TMEM229B: variants seen among roughly 807,000 people sequenced by gnomAD.
The protein encoded by TMEM229B is chromosome 14 open reading frame 83.
Under a neutral mutation model 13.7 loss-of-function variants are expected in TMEM229B, and 6 were observed. The observed-to-expected ratio is 0.44, with a 90% CI of 0.24 to 0.86. TMEM229B has a LOEUF of 0.86. Among genes scored for constraint, TMEM229B ranks in the 40% least tolerant of loss-of-function variants. The probability of loss-of-function intolerance (pLI) is 0.23; values close to 1 mark genes in which losing one functional copy is unlikely to be tolerated. For synonymous variants in TMEM229B, 107 were observed against 102.1 expected, an observed-to-expected ratio of 1.05 and a Z score of -0.29; for missense variants, 170 against 236.0, an observed-to-expected ratio of 0.72 and a Z score of 1.83.
chr14:67,497,979 G>A (rs973007812), intron 1 of TMEM229B, among the ~76,000 whole-genome samples: 1 of 151,966 alleles, frequency 6.6e-6, no homozygotes, highest in Admixed American at 6.6e-5. Context: ...AATACCTCAA[G>A]GTCTCTCTGA....
At chr14:67,492,527 T>C (rs1052467514), upstream of TMEM229B, among the ~76,000 whole-genome samples, 6 of 152,182 alleles carry the variant, frequency 3.9e-5, no homozygotes, top group African/African-American at 9.7e-5. Flanking sequence ...CCCATGTCCT[T>C]AGGGTGTCCT....
exon 1 of TMEM229B, chr14:67,515,342 C>CTA (rs2033171134): frequency 1.9e-5 from 3 of 160,962 alleles, no homozygotes; most frequent in African/African-American, 7.2e-5. Context: ...TGTGTGTCGG[C>CTA]GTCCGCCGCG....
upstream of TMEM229B, among the ~76,000 whole-genome samples, chr14:67,520,177 T>C (rs557775596): frequency 2.8e-4 from 42 of 152,356 alleles, no homozygotes; most frequent in African/African-American, 9.4e-4. Context: ...ATGAAGCTGC[T>C]TTGACATATC....
At chr14:67,521,233 A>C (rs117204857) in intron 1 of TMEM229B, among the ~76,000 whole-genome samples, 8,945 of 152,356 alleles carry the variant, frequency 0.059, 359 homozygotes, top group South Asian at 0.15. Flanking sequence ...AGGTAACTTC[A>C]TAAATTACAT....
At chr14:67,527,667 C>T (rs2033388427) in intron 1 of TMEM229B, among the ~76,000 whole-genome samples, 1 of 152,230 alleles carries the variant, frequency 6.6e-6, no homozygotes, top group South Asian at 2.1e-4. Context: ...TTTTGTACCG[C>T]AGCAGCCCCT....
intron 2 of TMEM229B, among the ~76,000 whole-genome samples, chr14:67,477,104 T>G (rs1348375880): frequency 6.6e-6 from 1 of 151,480 alleles, no homozygotes; most frequent in Non-Finnish European, 1.5e-5. Context: ...AGGTGGAGGT[T>G]GCAGTGAGTC....
rs1324950165 is a variant in TMEM229B, at chr14:67,471,917, T to G, written c.*1503A>C. ...GTGGTCAAGAAGAGACCATGTACCA[T>G]GGGGTGGGCCACTTTCTAACGGACC... On this transcript the variant is annotated 3_prime_UTR_variant, in exon 3 of 3. Transcript: ENST00000554480. 6.6e-6 allele frequency: 1 copy of G among 152,226 alleles called. No individual in the cohort carries two copies. The highest frequency in any genetic ancestry group is 6.5e-5 in the Admixed American group (1 of 15,270). The allele number at this position is 152,226 out of a possible 1,614,324, so 9.4% of individuals were successfully genotyped here.
intron 1 of TMEM229B, among the ~76,000 whole-genome samples, chr14:67,511,570 G>A (rs2033027510): frequency 6.6e-6 from 1 of 152,178 alleles, no homozygotes; most frequent in African/African-American, 2.4e-5. Context: ...AAAGCTGGAT[G>A]TTCAAAAACA....
intron 2 of TMEM229B, among the ~76,000 whole-genome samples, chr14:67,479,249 T>A (rs2031426289): frequency 6.6e-6 from 1 of 150,534 alleles, no homozygotes. Flanking sequence ...CTACTAAAAG[T>A]ACAAAAATTA....
upstream of TMEM229B, among the ~76,000 whole-genome samples, chr14:67,517,853 G>A (rs768302461): frequency 6.6e-6 from 1 of 152,226 alleles, no homozygotes; most frequent in Non-Finnish European, 1.5e-5. Flanking sequence ...GCAAAATGCA[G>A]TTCAAACTCA....
At chr14:67,502,490 T>C (rs1438844486) in intron 1 of TMEM229B, among the ~76,000 whole-genome samples, 4 of 146,260 alleles carry the variant, frequency 2.7e-5, no homozygotes, top group Admixed American at 1.4e-4. Flanking sequence ...TTTTGCTTTG[T>C]TGTCCAGGCT....
chr14:67,519,531 G>A (rs1171536763), upstream of TMEM229B, among the ~76,000 whole-genome samples: 4 of 152,094 alleles, frequency 2.6e-5, no homozygotes, highest in African/African-American at 9.7e-5. Flanking sequence ...GGGTCCATCC[G>A]GATACTCTGG....
At chr14:67,532,380 T>C (rs978384695) in intron 1 of TMEM229B, among the ~76,000 whole-genome samples, 6 of 152,214 alleles carry the variant, frequency 3.9e-5, no homozygotes, top group Admixed American at 6.5e-5. Flanking sequence ...TTTTGAAGTG[T>C]GGATCCCTCC....
In TMEM229B at chr14:67,527,348, C is replaced by T. The variant is rs180882504; in HGVS notation, c.-192+6288G>A. Reference sequence around the variant, plus strand: ...GAGAATTGTGAGAATTAAGATGATTCCTCTGTTTCAGCTCGGGAGCCGGAG... The same window carrying T: ...GAGAATTGTGAGAATTAAGATGATTTCTCTGTTTCAGCTCGGGAGCCGGAG... On this transcript the variant is annotated intron_variant, in intron 1 of 2. Transcript: ENST00000554278. Among the ~76,000 whole-genome samples, 144 of 152,252 alleles carry T rather than the reference C, an allele frequency of 9.5e-4. 1 individual carries two copies. The highest frequency in any genetic ancestry group is 1.5e-3 in the South Asian group (7 of 4,826).
At chr14:67,515,662 C>T (rs1488053721), upstream of TMEM229B, among the ~76,000 whole-genome samples, 3 of 152,186 alleles carry the variant, frequency 2.0e-5, no homozygotes, top group Non-Finnish European at 4.4e-5. Context: ...CAGGGCTCTT[C>T]GGCCCTCCCT....
At chr14:67,523,583 G>A (rs1313298072) in intron 1 of TMEM229B, among the ~76,000 whole-genome samples, 2 of 152,208 alleles carry the variant, frequency 1.3e-5, no homozygotes, top group Non-Finnish European at 1.5e-5. Context: ...ACACCTCCAC[G>A]CAGAGGAAGA....
At chr14:67,474,255 A>AAAAAC (rs1423681568) in intron 2 of TMEM229B, among the ~76,000 whole-genome samples, 2 of 127,872 alleles carry the variant, frequency 1.6e-5, no homozygotes, top group African/African-American at 3.3e-5. Context: ...CTGTCTCCAA[A>AAAAAC]AAAACAAAAC....
At chr14:67,479,050 T>G (rs1261052894) in intron 2 of TMEM229B, among the ~76,000 whole-genome samples, 4 of 152,252 alleles carry the variant, frequency 2.6e-5, no homozygotes, top group Non-Finnish European at 5.9e-5. Flanking sequence ...CTTTATATTT[T>G]TCTGCATACT....
At position 67,473,955 on chromosome 14, in the gene TMEM229B, AAG is replaced by A. The variant is rs765350020; in HGVS notation, c.-18-16_-18-15del. The A allele has an allele frequency of 1.3e-6, 2 of 1,573,652 alleles. No individual in the cohort carries two copies. Among genetic ancestry groups the A allele is most frequent in the Admixed American group, 3.6e-5 (2 of 55,014 alleles). On this transcript the variant is annotated splice_polypyrimidine_tract_variant and intron_variant, in intron 2 of 2. Coordinates refer to ENST00000554480, the MANE Select transcript of TMEM229B (RefSeq NM_001348543.2). This position sits in a 1 kb window ranked among gnomAD's most constrained non-coding sequence, Gnocchi z 6.5. ...GACTGGGGCTGGCTGCGGGGGGCGC[AAG>A]AGAGACAGGTGAGGGCCGGGCGCGG...
Sources: gnomAD v4.1 joint callset for allele counts (sites outside exome capture counted in the v4.1 genomes callset) on GRCh38, gnomAD v4.1.1 for gene constraint, Gnocchi (gnomAD v3.1) non-coding constraint, MANE v1.5 for transcripts, NCBI Gene and HGNC (gene_info 2026-07-23, HGNC 2026-07-21) for gene names.